Variants in F13B observed in about 807,000 individuals in gnomAD.
F13B encodes the protein TGase.
A neutral mutation model predicts 79.8 loss-of-function variants in F13B; 58 were observed. That is an observed-to-expected ratio of 0.73 (90% CI 0.59 to 0.90). The LOEUF (loss-of-function observed/expected upper bound fraction) is 0.90. F13B is among the 40% of genes least tolerant of loss of function. The pLI, the probability that F13B is intolerant of heterozygous loss-of-function variation, is 0.00. For missense variants in F13B, 773 were observed against 777.0 expected (o/e 0.99, Z 0.06); for synonymous variants, 283 against 260.3 (o/e 1.09, Z -0.84).
chr1:197,050,741 GC>G lies in F13B; in HGVS notation c.1693del (p.Ala565ProfsTer4). 6.2e-7 allele frequency: 1 copy of G among 1,613,030 alleles called. No individual in the cohort carries two copies. The highest frequency in any genetic ancestry group is 1.1e-5 in the South Asian group (1 of 91,054). On this transcript the variant is annotated frameshift_variant, in exon 10 of 12. Transcript: ENST00000367412. LOFTEE classifies it high-confidence loss of function. The stretch of plus-strand genomic sequence containing the variant: ...AGTCCACATTCCATCTAAACAATAG[GC>G]CTCCCTAGATCCTTCTAGGAAATGG... ...DHHFLEGSRE[A>X]YCLDGMWTTP...
chr1:197,056,945 T>C (rs1655661321), intron 7 of F13B, 68 bp downstream of exon 7: 1 of 1,542,604 alleles, frequency 6.5e-7, no homozygotes, highest in Non-Finnish European at 8.9e-7. Flanking sequence ...AATATTCAGA[T>C]TAAAGTAACA....
intron 10 of F13B, among the ~76,000 whole-genome samples, chr1:197,048,557 C>A: frequency 6.6e-6 from 1 of 151,778 alleles, no homozygotes; most frequent in Admixed American, 6.6e-5. Flanking sequence ...TTAGACAATG[C>A]CAATACACCA....
rs1558306620 is a variant in F13B, at chr1:197,050,839, A to G, written c.1596T>C (p.His532=). The G allele has an allele frequency of 1.2e-6, 2 of 1,613,298 alleles. No individual in the cohort carries two copies. The highest frequency in any genetic ancestry group is 1.7e-6 in the Non-Finnish European group (2 of 1,179,540). Residue 532 remains histidine, a synonymous_variant, in exon 10 of 12, where the codon CAT becomes CAC. Coordinates refer to ENST00000367412, the MANE Select transcript of F13B (RefSeq NM_001994.3). ...GMCTSPPLIK[H]GVIISSTVDT... is the part of the protein sequence containing the mutation. ...CTACTGTTGAACTAATAATGACTCCATGTTTAATAAGAGGAGGAGATGTGC... is the reference window on the plus strand; with the variant it reads ...CTACTGTTGAACTAATAATGACTCCGTGTTTAATAAGAGGAGGAGATGTGC...
chr1:197,054,178 T>C (rs915146070), intron 8 of F13B, among the ~76,000 whole-genome samples: 3 of 152,128 alleles, frequency 2.0e-5, no homozygotes, highest in African/African-American at 7.2e-5. Flanking sequence ...CTAACTCTCT[T>C]GAGGCAGTTG....
At position 197,060,524 on chromosome 1, in the gene F13B, A is replaced by T; in HGVS notation, c.647T>A (p.Leu216Ter). 6.3e-7 allele frequency: 1 copy of T among 1,591,018 alleles called. No homozygotes were observed. Among genetic ancestry groups the T allele is most frequent in the East Asian group, 2.2e-5 (1 of 44,596 alleles). ...PKCTKLKCSS[L>*]RLIENGYFHP... ...AAAATAACCATTTTCAATTAATCTTAAAGAAGAGCACTTTAATTCTGCAAA... is the reference window on the plus strand; with the variant it reads ...AAAATAACCATTTTCAATTAATCTTTAAGAAGAGCACTTTAATTCTGCAAA... The change falls in exon 5 of 12, where the codon TTA becomes TAA. Residue 216 changes from leucine to a stop codon, truncating the protein, a stop_gained. Transcript: ENST00000367412. LOFTEE classifies it high-confidence loss of function.
At chr1:197,062,124 C>T (rs1229024640) in intron 2 of F13B, among the ~76,000 whole-genome samples, 155 bp from the exon 3 acceptor site, 2 of 152,014 alleles carry the variant, frequency 1.3e-5, no homozygotes, top group African/African-American at 2.4e-5. Flanking sequence ...TTAACACTGA[C>T]TCTCTTTGTA....
rs540793256 is a variant in F13B at position 197,044,361 on chromosome 1, G to C, written c.1739-3626C>G. ...TTGCTGAGCAGGGGTTACAATCCTA[G>C]TCTCTGATAAAACAGACTTTAAACC... On this transcript the variant is annotated intron_variant, in intron 10 of 11. Transcript: ENST00000367412. Among the ~76,000 whole-genome samples the C allele has an allele frequency of 4.6e-5, 7 of 152,210 alleles. No individual in the cohort carries two copies. In the East Asian group the frequency reaches 1.4e-3, roughly 29 times the overall value.
At chr1:197,055,442 C>T (rs983998723) in intron 8 of F13B, among the ~76,000 whole-genome samples, 4 of 151,812 alleles carry the variant, frequency 2.6e-5, no homozygotes, top group Non-Finnish European at 5.9e-5. Context: ...GAAAGACAAC[C>T]CAAAAGCTAA....
At chr1:197,065,656 A>G (rs907968471) in intron 1 of F13B, among the ~76,000 whole-genome samples, 3 of 152,192 alleles carry the variant, frequency 2.0e-5, no homozygotes, top group Non-Finnish European at 4.4e-5. Flanking sequence ...GAATAGACTC[A>G]ATAATGCTAT....
intron 10 of F13B, 72 bp from the exon 11 acceptor site, chr1:197,040,807 G>A: frequency 1.5e-6 from 2 of 1,292,894 alleles, no homozygotes; most frequent in Non-Finnish European, 1.1e-6. Flanking sequence ...GTAAGAACAG[G>A]AATCGTTGTG....
chr1:197,062,829 C>A (rs375922040), intron 2 of F13B, 28 bp downstream of exon 2: 1 of 1,608,916 alleles, frequency 6.2e-7, no homozygotes, highest in African/African-American at 1.3e-5. Flanking sequence ...AGTATTGAAA[C>A]ATTGAGTGAC....
chr1:197,060,796 G>T, intron 4 of F13B, 103 bp downstream of exon 4: 2 of 1,101,678 alleles, frequency 1.8e-6, no homozygotes, highest in Non-Finnish European at 2.8e-6. Context: ...AGGCAAAAAT[G>T]CATGAAAAGG....
chr1:197,056,237 C>T (rs571295402), intron 7 of F13B, among the ~76,000 whole-genome samples: 2 of 152,234 alleles, frequency 1.3e-5, no homozygotes, highest in African/African-American at 4.8e-5. Flanking sequence ...CATTACCCCA[C>T]TTTTATTTTC....
chr1:197,057,224 C>G, intron 6 of F13B, 26 bp from the exon 7 acceptor site: 1 of 1,613,884 alleles, frequency 6.2e-7, no homozygotes, highest in Non-Finnish European at 8.5e-7. Flanking sequence ...TGAAAGAGAA[C>G]TGACCATTTA....
In F13B at chr1:197,060,385, T is replaced by C. The variant is rs774448665; in HGVS notation, c.786A>G (p.Pro262=). 1.2e-6 allele frequency: 2 copies of C among 1,612,290 alleles called. No homozygotes were observed. Among genetic ancestry groups the C allele is most frequent in the Non-Finnish European group, 1.7e-6 (2 of 1,178,860 alleles). The change falls in exon 5 of 12, where the codon CCA becomes CCG. Residue 262 remains proline, a synonymous_variant. Coordinates refer to ENST00000367412, the MANE Select transcript of F13B (RefSeq NM_001994.3). The part of the protein sequence containing the change: ...LIQCYNFGWY[P]ESPVCEGRRN... ...ATTTACCTTCGCATACAGGAGATTC[T>C]GGGTACCAACCAAAGTTATAGCATT...
chr1:197,039,284 A>G lies in F13B; in HGVS notation c.*94T>C. ...AGATTCAAATATTTAAGCAAGGAAA[A>G]ACTCCGAAGTTTTTAACTTATTTCC... is the stretch of plus-strand genomic sequence containing the variant. On this transcript the variant is annotated 3_prime_UTR_variant, in exon 12 of 12. Coordinates refer to ENST00000367412, the MANE Select transcript of F13B (RefSeq NM_001994.3). 9.2e-7 allele frequency: 1 copy of G among 1,082,234 alleles called. No individual in the cohort carries two copies. The allele number at this position is 1,082,234 out of a possible 1,614,324, so 67.0% of individuals were successfully genotyped here.
At position 197,049,506 on chromosome 1, in the gene F13B, A is replaced by G. The variant is rs17549706; in HGVS notation, c.1738+1191T>C. Among the ~76,000 whole-genome samples the G allele has an allele frequency of 7.5e-4, 114 of 152,170 alleles. 1 individual carries two copies. The highest frequency in any genetic ancestry group is 2.6e-3 in the African/African-American group (107 of 41,578). On this transcript the variant is annotated intron_variant, in intron 10 of 11. Transcript: ENST00000367412. The stretch of plus-strand genomic sequence containing the variant: ...TGTAGTTGTAATGAACCATCAAGAA[A>G]CCACTCCCTACCAAAACTGACAGAA...
At position 197,055,733 on chromosome 1, in the gene F13B, A is replaced by G; in HGVS notation, c.1336T>C (p.Ser446Pro). 1 of 1,613,494 alleles carries G rather than the reference A, an allele frequency of 6.2e-7. No homozygotes were observed. The highest frequency in any genetic ancestry group is 8.5e-7 in the Non-Finnish European group (1 of 1,179,628). ...ISRCEQGKWS[S>P]PPVCLEPCTV... Reference sequence around the variant, plus strand: ...TTCTTACCCAAGCAAACAGGTGGGGATGACCATTTTCCTTGTTCGCAACGA... The same window carrying G: ...TTCTTACCCAAGCAAACAGGTGGGGGTGACCATTTTCCTTGTTCGCAACGA... Residue 446 changes from serine (S) to proline (P), a missense_variant, in exon 8 of 12, where the codon TCC (serine) becomes CCC (proline). By Grantham distance (74) the Ser-to-Pro change is moderately conservative. Transcript: ENST00000367412.
In F13B at chr1:197,062,003, A is replaced by G. The variant is rs201585519; in HGVS notation, c.266-34T>C. On this transcript the variant is annotated intron_variant, in intron 2 of 11. Transcript: ENST00000367412. ...AAAAAAATTATTTAACTTAATGATGAAACTAAGCTTGTCTTTTACTAAATT... is the reference window on the plus strand; with the variant it reads ...AAAAAAATTATTTAACTTAATGATGGAACTAAGCTTGTCTTTTACTAAATT... The G allele has an allele frequency of 5.8e-6, 9 of 1,546,716 alleles. No individual in the cohort carries two copies. The African/African-American group carries it at 8.1e-5, about 14-fold the overall frequency.
Sources: allele counts gnomAD v4.1 joint callset (sites outside exome capture counted in the v4.1 genomes callset), GRCh38; gene constraint gnomAD v4.1.1; transcripts MANE v1.5; gene names NCBI Gene and HGNC (gene_info 2026-07-23, HGNC 2026-07-21).